Variants in SBF2 observed in about 807,000 individuals in gnomAD.
SBF2 encodes SET binding factor 2, also known as myotubularin-related protein 13.
A neutral mutation model predicts 225.2 loss-of-function variants in SBF2; 112 were observed. That is an observed-to-expected ratio of 0.50 (90% CI 0.43 to 0.58). The LOEUF is 0.58. Among genes scored for constraint, SBF2 ranks in the 20% least tolerant of loss-of-function variants. SBF2 has a pLI of 0.00. For synonymous variants in SBF2, 763 were observed against 773.3 expected, an observed-to-expected ratio of 0.99 and a Z score of 0.22; for missense variants, 1,996 against 2,206.2, an observed-to-expected ratio of 0.90 and a Z score of 1.91.
chr11:9,796,907 C>T (rs575212416), intron 32 of SBF2, among the ~76,000 whole-genome samples: 58 of 152,090 alleles, frequency 3.8e-4, no homozygotes, highest in Middle Eastern at 3.2e-3. Context: ...TTAGGCAAAC[C>T]GTATACAGAC....
At chr11:10,153,139 T>C (rs954907674) in intron 2 of SBF2, among the ~76,000 whole-genome samples, 6 of 152,166 alleles carry the variant, frequency 3.9e-5, no homozygotes, top group South Asian at 2.1e-4. Context: ...CAAGATCAAA[T>C]TGGTGTTTAG....
chr11:10,216,239 A>C lies in SBF2; in HGVS notation c.56-22252T>G, dbSNP rs1958125026. Among the ~76,000 whole-genome samples the C allele has an allele frequency of 2.6e-5, 4 of 152,376 alleles. No homozygotes were observed. In the South Asian group the frequency reaches 8.3e-4, roughly 32 times the overall value. On this transcript the variant is annotated intron_variant, in intron 1 of 39. Transcript: ENST00000256190. Reference sequence around the variant, plus strand: ...ATAAAAGAAAAAAATAAAAATGATTATAAGAGAAGGCTGAGAGATTATTTC... The same window carrying C: ...ATAAAAGAAAAAAATAAAAATGATTCTAAGAGAAGGCTGAGAGATTATTTC...
At chr11:9,804,697 G>A (rs1853693709) in intron 32 of SBF2, among the ~76,000 whole-genome samples, 8 of 152,190 alleles carry the variant, frequency 5.3e-5, no homozygotes, top group Admixed American at 5.2e-4. Context: ...ATAAACTTAT[G>A]TAGTAGTCTT....
In SBF2 at chr11:9,879,969, A is replaced by G. The variant is rs370185906; in HGVS notation, c.1929+15974T>C. ...TGTGGTGGTGCACACCGGTATTCCC[A>G]GCTACTCGGGAGGCTGAGGCAGGAG... On this transcript the variant is annotated intron_variant, in intron 17 of 39. Coordinates refer to ENST00000256190, the MANE Select transcript of SBF2 (RefSeq NM_030962.4). 3.3e-5 allele frequency among the ~76,000 whole-genome samples: 5 copies of G among 151,698 alleles called. 1 individual carries two copies. The South Asian group carries it at 1.0e-3, about 32-fold the overall frequency.
chr11:10,293,013 A>C (rs1964268114), intron 1 of SBF2, among the ~76,000 whole-genome samples: 1 of 152,230 alleles, frequency 6.6e-6, no homozygotes. Flanking sequence ...CTGAGCTACC[A>C]ATGGCTGTAA....
intron 1 of SBF2, among the ~76,000 whole-genome samples, chr11:10,208,741 T>G (rs1344613705): frequency 6.6e-6 from 1 of 152,100 alleles, no homozygotes; most frequent in Non-Finnish European, 1.5e-5. Context: ...CACATTAAAA[T>G]TTCAGACAAA....
At chr11:10,070,046 C>G (rs555494750) in intron 2 of SBF2, among the ~76,000 whole-genome samples, 1 of 152,190 alleles carries the variant, frequency 6.6e-6, no homozygotes, top group East Asian at 1.9e-4. Context: ...TTTGTAGATT[C>G]TGGATATTAG....
chr11:10,162,962 C>T (rs917189185), intron 2 of SBF2, among the ~76,000 whole-genome samples: 8 of 151,760 alleles, frequency 5.3e-5, no homozygotes, highest in Non-Finnish European at 1.2e-4. Flanking sequence ...AGTTTTAGCT[C>T]CTCTAAGCAT....
chr11:9,782,763 C>T (rs893496739), intron 38 of SBF2, among the ~76,000 whole-genome samples: 4 of 151,422 alleles, frequency 2.6e-5, no homozygotes, highest in East Asian at 1.9e-4. Flanking sequence ...CCCAGCTACT[C>T]GGGAGGCTGA....
intron 3 of SBF2, among the ~76,000 whole-genome samples, chr11:10,036,366 C>T (rs1165037102): frequency 6.6e-6 from 1 of 151,892 alleles, no homozygotes; most frequent in East Asian, 1.9e-4. Flanking sequence ...ACCTATGTAA[C>T]AAAACTGCAT....
intron 29 of SBF2, among the ~76,000 whole-genome samples, chr11:9,813,014 G>A (rs556563776): frequency 6.6e-6 from 1 of 152,256 alleles, no homozygotes; most frequent in South Asian, 2.1e-4. Flanking sequence ...ACTTGATGGA[G>A]CTCATAATAC....
At chr11:10,070,225 C>T in intron 2 of SBF2, among the ~76,000 whole-genome samples, 1 of 152,238 alleles carries the variant, frequency 6.6e-6, no homozygotes, top group East Asian at 1.9e-4. Context: ...CCATGAAGTC[C>T]TCGCCCATGC....
intron 16 of SBF2, chr11:9,960,912 C>T (rs879788787): frequency 1.3e-5 from 2 of 152,312 alleles, no homozygotes; most frequent in Non-Finnish European, 2.9e-5. Flanking sequence ...GTCTGCCCAC[C>T]TCGGCCTCCC....
chr11:9,841,681 T>C (rs1590199497), intron 25 of SBF2, among the ~76,000 whole-genome samples: 2 of 152,134 alleles, frequency 1.3e-5, no homozygotes, highest in Non-Finnish European at 2.9e-5. Context: ...TACAGGCGCA[T>C]GCCACCATGC....
intron 16 of SBF2, chr11:9,959,663 A>G (rs528695083): frequency 3.6e-4 from 271 of 745,606 alleles, no homozygotes; most frequent in Non-Finnish European, 6.5e-4. Context: ...GTTCACTTGC[A>G]GCGCAGTCTT....
intron 17 of SBF2, among the ~76,000 whole-genome samples, chr11:9,861,348 C>T (rs2134016197): frequency 6.6e-6 from 1 of 152,292 alleles, no homozygotes; most frequent in Non-Finnish European, 1.5e-5. Flanking sequence ...GCATGTACTG[C>T]CATGCCTGGC....
intron 2 of SBF2, among the ~76,000 whole-genome samples, chr11:10,077,897 G>T (rs1467546812): frequency 2.0e-5 from 3 of 152,136 alleles, no homozygotes; most frequent in African/African-American, 7.2e-5. Context: ...ATCTGACAAA[G>T]GGCTAATATC....
intron 2 of SBF2, among the ~76,000 whole-genome samples, chr11:10,168,562 G>A (rs73415036): frequency 0.011 from 1,621 of 152,200 alleles, 35 homozygotes; most frequent in African/African-American, 0.037. Flanking sequence ...ATAATACCCA[G>A]GTAGAACAAT....
chr11:10,043,520 G>A (rs907684068), intron 2 of SBF2, among the ~76,000 whole-genome samples: 1 of 152,058 alleles, frequency 6.6e-6, no homozygotes, highest in African/African-American at 2.4e-5. Context: ...AATTAAACTA[G>A]AAATCAATAA....
Sources: gnomAD v4.1 joint callset for allele counts (sites outside exome capture counted in the v4.1 genomes callset) on GRCh38, gnomAD v4.1.1 for gene constraint, MANE v1.5 for transcripts, NCBI Gene and HGNC (gene_info 2026-07-23, HGNC 2026-07-21) for gene names.